Variants in VNN1 observed in about 807,000 individuals in gnomAD.
VNN1 encodes pantetheinase.
A neutral mutation model predicts 41.9 loss-of-function variants in VNN1; 29 were observed. The observed-to-expected ratio is 0.69, with a 90% confidence interval of 0.52 to 0.94. VNN1 has a LOEUF of 0.94. Ranked by LOEUF, VNN1 falls within the 40% of genes least tolerant of loss-of-function variation. VNN1 has a pLI of 0.00. For synonymous variants in VNN1, 233 were observed against 224.4 expected (o/e 1.04, Z -0.34); for missense variants, 637 against 621.1 (o/e 1.03, Z -0.27).
chr6:132,703,334 T>C (rs1328422983), intron 2 of VNN1, among the ~76,000 whole-genome samples: 2 of 151,544 alleles, frequency 1.3e-5, no homozygotes, highest in African/African-American at 4.8e-5. Context: ...CAATCAAAAA[T>C]AATAATTATA....
chr6:132,697,740 A>G (rs1778393381), intron 2 of VNN1, among the ~76,000 whole-genome samples: 1 of 152,020 alleles, frequency 6.6e-6, no homozygotes, highest in South Asian at 2.1e-4. Flanking sequence ...TCCTTGAAAA[A>G]GATTGGAAAA....
chr6:132,692,114 A>G (rs1287437101), intron 5 of VNN1, 109 bp downstream of exon 5: 1 of 1,263,854 alleles, frequency 7.9e-7, no homozygotes, highest in African/African-American at 1.5e-5. Context: ...ATAAATCCCC[A>G]AAAGTGTGAT....
chr6:132,702,720 C>T (rs893773921), intron 2 of VNN1, among the ~76,000 whole-genome samples: 30 of 152,174 alleles, frequency 2.0e-4, no homozygotes, highest in Admixed American at 4.6e-4. Context: ...ACTGAATCCC[C>T]CAACCCAGGC....
chr6:132,698,713 G>A (rs45581633), intron 2 of VNN1: 2,852 of 155,958 alleles, frequency 0.018, 95 homozygotes, highest in African/African-American at 0.065. Context: ...CTCTGAGATT[G>A]GATTTCGTGG....
Position 132,692,496 on chromosome 6 carries a change from A to ATCCCAT in VNN1, c.914_915insATGGGA (p.Leu304_Asp305insGluTrp). 6.2e-7 allele frequency: 1 copy of ATCCCAT among 1,613,646 alleles called. No individual in the cohort carries two copies. The highest frequency in any genetic ancestry group is 8.5e-7 in the Non-Finnish European group (1 of 1,179,998). ...CCACTGCAGAATGGGATGGGTGGGAATCCAGTTGCGAGAGGAGGAGTTTTC... is the reference window on the plus strand; with the variant it reads ...CCACTGCAGAATGGGATGGGTGGGAATCCCATTCCAGTTGCGAGAGGAGGAGTTTTC... On this transcript the variant is annotated inframe_insertion, in exon 5 of 7. Transcript: ENST00000367928.
intron 4 of VNN1, 62 bp from the exon 5 acceptor site, chr6:132,692,646 G>A: frequency 1.3e-6 from 2 of 1,498,606 alleles, no homozygotes; most frequent in Non-Finnish European, 1.8e-6. Flanking sequence ...TTTCATAATT[G>A]TTATTACTAT....
At chr6:132,688,893 T>C (rs1262137328) in intron 5 of VNN1, among the ~76,000 whole-genome samples, 7 of 152,242 alleles carry the variant, frequency 4.6e-5, no homozygotes, top group African/African-American at 1.7e-4. Context: ...TCCTTGTATA[T>C]TTTATTTTAT....
intron 2 of VNN1, among the ~76,000 whole-genome samples, chr6:132,698,597 C>G (rs1026952971): frequency 6.6e-6 from 1 of 152,176 alleles, no homozygotes; most frequent in African/African-American, 2.4e-5. Flanking sequence ...CCTTCAGCTC[C>G]AAGCTGACCC....
intron 2 of VNN1, among the ~76,000 whole-genome samples, chr6:132,698,028 T>C (rs1303136599): frequency 6.6e-6 from 1 of 152,214 alleles, no homozygotes; most frequent in Non-Finnish European, 1.5e-5. Context: ...CTAATATATT[T>C]CAATTCAAGC....
intron 6 of VNN1, 129 bp downstream of exon 6, chr6:132,684,206 A>T (rs1483586610): frequency 1.1e-6 from 1 of 931,428 alleles, no homozygotes; most frequent in Admixed American, 3.1e-5. Context: ...GTCCTTCATG[A>T]TCCCCAAGGA....
At chr6:132,698,832 A>T (rs954104671) in intron 2 of VNN1, 1 of 226,980 alleles carries the variant, frequency 4.4e-6, no homozygotes, top group Non-Finnish European at 1.0e-5. Flanking sequence ...CACCAGCTGA[A>T]TGCCTTGTTG....
chr6:132,699,057 T>C (rs1562218203), intron 2 of VNN1: 3 of 250,296 alleles, frequency 1.2e-5, no homozygotes, highest in Non-Finnish European at 1.7e-5. Context: ...CCCAAGCACC[T>C]TGGATGTGTT....
At chr6:132,691,365 G>T (rs2114342435) in intron 5 of VNN1, among the ~76,000 whole-genome samples, 2 of 152,206 alleles carry the variant, frequency 1.3e-5, no homozygotes, top group Middle Eastern at 6.8e-3. Flanking sequence ...GACCAAGGAA[G>T]AGAAGAGAAG....
chr6:132,693,273 C>T lies in VNN1; in HGVS notation c.577G>A (p.Glu193Lys). 3 of 1,612,842 alleles carry T rather than the reference C, an allele frequency of 1.9e-6. No homozygotes were observed. The highest frequency in any genetic ancestry group is 2.5e-6 in the Non-Finnish European group (3 of 1,179,564). Residue 193 changes from glutamate to lysine, a missense_variant, in exon 4 of 7, where the codon GAG becomes AAG. By Grantham distance (56) the Glu-to-Lys change is moderately conservative (BLOSUM62 1). Transcript: ENST00000367928. ...GTATTGAAAGTCACAATCTCAGGCTCCTTGGGTACATTGAATTGATTTTCA... is the reference window on the plus strand; with the variant it reads ...GTATTGAAAGTCACAATCTCAGGCTTCTTGGGTACATTGAATTGATTTTCA... ...MGENQFNVPK[E>K]PEIVTFNTTF... is the part of the protein sequence containing the mutation.
Position 132,692,003 on chromosome 6 carries a change from CAAAA to C in VNN1, c.1188+216_1188+219del, listed in dbSNP as rs571783951. ...TGGGCTACAGAGTGAGACTCTGTCT[CAAAA>C]AAAAAAAAAAAAGATTTAGCAAATA... is the stretch of plus-strand genomic sequence containing the variant. On this transcript the variant is annotated intron_variant, in intron 5 of 6. Coordinates refer to ENST00000367928, the MANE Select transcript of VNN1 (RefSeq NM_004666.3). Among the ~76,000 whole-genome samples the C allele has an allele frequency of 5.8e-3, 500 of 86,164 alleles. 3 individuals are homozygous for C. Among genetic ancestry groups the C allele is most frequent in the African/African-American group, 0.02 (472 of 24,010 alleles). The allele number at this position is 86,164 out of a possible 152,430, so 56.5% of individuals were successfully genotyped here.
At chr6:132,691,394 G>A (rs1300038017) in intron 5 of VNN1, among the ~76,000 whole-genome samples, 1 of 151,846 alleles carries the variant, frequency 6.6e-6, no homozygotes, top group African/African-American at 2.4e-5. Flanking sequence ...GACCATGGAG[G>A]CCACTTGCGA....
rs181265669 is a variant in VNN1, at chr6:132,697,564, T to C, written c.342-3382A>G. ...AACATATTGCTATATTTATCCTCTATTGCACAACTCTGAAATGATAAATGG... is the reference window on the plus strand; with the variant it reads ...AACATATTGCTATATTTATCCTCTACTGCACAACTCTGAAATGATAAATGG... On this transcript the variant is annotated intron_variant, in intron 2 of 6. Transcript: ENST00000367928. Among the ~76,000 whole-genome samples, 702 of 152,060 alleles carry C rather than the reference T, an allele frequency of 4.6e-3. 3 individuals carry two copies. The highest frequency in any genetic ancestry group is 5.6e-3 in the Non-Finnish European group (380 of 67,988).
chr6:132,693,627 T>C (rs2114347118), intron 3 of VNN1, among the ~76,000 whole-genome samples: 1 of 152,320 alleles, frequency 6.6e-6, no homozygotes, highest in East Asian at 1.9e-4. Context: ...CAAGGAACTT[T>C]GTTTGTTCCA....
chr6:132,697,496 G>A (rs1199901782), intron 2 of VNN1, among the ~76,000 whole-genome samples: 1 of 151,916 alleles, frequency 6.6e-6, no homozygotes, highest in Non-Finnish European at 1.5e-5. Flanking sequence ...ACCAATAATT[G>A]TCCCAGTAAA....
Sources: gnomAD v4.1 joint callset for allele counts (sites outside exome capture counted in the v4.1 genomes callset) on GRCh38, gnomAD v4.1.1 for gene constraint, MANE v1.5 for transcripts, NCBI Gene and HGNC (gene_info 2026-07-23, HGNC 2026-07-21) for gene names.